Variants in APOH observed in about 807,000 individuals in gnomAD.
APOH encodes the protein beta-2-glycoprotein 1.
In APOH, 48 loss-of-function variants were observed where a neutral mutation model predicts 39.8. The ratio of observed to expected loss-of-function variants is 1.21; its 90% CI spans 0.96 to 1.54. The LOEUF is 1.54. Ranked by LOEUF, APOH falls within the 40% of genes most tolerant of loss-of-function variation. APOH has a pLI of 0.00. For missense variants in APOH, 415 were observed against 421.2 expected, an observed-to-expected ratio of 0.99 and a Z score of 0.13; for synonymous variants, 153 against 151.1, an observed-to-expected ratio of 1.01 and a Z score of -0.09.
intron 3 of APOH, among the ~76,000 whole-genome samples, chr17:66,224,266 A>G (rs2073420846): frequency 6.6e-6 from 1 of 151,684 alleles, no homozygotes; most frequent in Non-Finnish European, 1.5e-5. Flanking sequence ...ACTTGAGCCC[A>G]AGAGTTTGAG....
chr17:66,216,357 G>A (rs1185059040), intron 6 of APOH, among the ~76,000 whole-genome samples: 1 of 151,834 alleles, frequency 6.6e-6, no homozygotes, highest in Non-Finnish European at 1.5e-5. Flanking sequence ...GTGGTGGGGT[G>A]CCTGTAATCC....
intron 6 of APOH, among the ~76,000 whole-genome samples, chr17:66,215,073 C>T (rs964314199): frequency 1.2e-4 from 18 of 152,136 alleles, no homozygotes; most frequent in African/African-American, 4.1e-4. Context: ...TGAAAAATTG[C>T]CTTCAGCCAT....
At chr17:66,224,252 G>A (rs1288011003) in intron 3 of APOH, among the ~76,000 whole-genome samples, 1 of 151,994 alleles carries the variant, frequency 6.6e-6, no homozygotes. Context: ...GAGATGGGCG[G>A]ATCACTTGAG....
At chr17:66,216,743 G>C in intron 6 of APOH, 45 bp downstream of exon 6, 1 of 1,495,682 alleles carries the variant, frequency 6.7e-7, no homozygotes, top group Non-Finnish European at 9.0e-7. Flanking sequence ...GTGATCCACT[G>C]TATCAATTCA....
At chr17:66,221,935 T>C (rs1376738233) in intron 4 of APOH, among the ~76,000 whole-genome samples, 1 of 152,210 alleles carries the variant, frequency 6.6e-6, no homozygotes, top group Non-Finnish European at 1.5e-5. Context: ...AATAGCTTGT[T>C]GGAAATGCAG....
Position 66,214,601 on chromosome 17 carries a change from C to T in APOH, c.834G>A (p.Glu278=). Residue 278 remains glutamate, a synonymous_variant, in exon 7 of 8, where the codon GAG becomes GAA. Transcript: ENST00000205948. The stretch of plus-strand genomic sequence containing the variant: ...TAAATTTTTCCTGAATCTTTACTCT[C>T]TCTCCTTGGTACACCACAGTGGCTT... ...VKKATVVYQG[E]RVKIQEKFKN... 1 of 1,614,014 alleles carries T rather than the reference C, an allele frequency of 6.2e-7. No individual in the cohort carries two copies. Among genetic ancestry groups the T allele is most frequent in the Non-Finnish European group, 8.5e-7 (1 of 1,179,946 alleles).
Position 66,228,125 on chromosome 17 carries a change from CTT to C in APOH, c.134_135del (p.Glu45GlyfsTer56). On this transcript the variant is annotated frameshift_variant, in exon 2 of 8. Transcript: ENST00000205948. LOFTEE classifies it high-confidence loss of function. ...CCCGGCTTGCAGGAATACGTAATCT[CTT>C]CTCCTGGCTCATAGAATGTTTTTAA... The part of the protein sequence containing the change: ...VPLKTFYEPG[E>X]EITYSCKPGY... The C allele has an allele frequency of 1.2e-6, 2 of 1,614,212 alleles. No individual in the cohort carries two copies. Among genetic ancestry groups the C allele is most frequent in the South Asian group, 2.2e-5 (2 of 91,090 alleles).
chr17:66,214,435 G>T lies in APOH; in HGVS notation c.982+18C>A. 1.9e-6 allele frequency: 3 copies of T among 1,609,466 alleles called. No individual in the cohort carries two copies. The highest frequency in any genetic ancestry group is 2.6e-6 in the Non-Finnish European group (3 of 1,176,376). ...GGGCAAGTGGGAGTCCTAGCTAAACGTTCCAATGCAGACTTACCCTTGAAG... is the reference window on the plus strand; with the variant it reads ...GGGCAAGTGGGAGTCCTAGCTAAACTTTCCAATGCAGACTTACCCTTGAAG... On this transcript the variant is annotated intron_variant, in intron 7 of 7. Transcript: ENST00000205948.
intron 3 of APOH, among the ~76,000 whole-genome samples, chr17:66,224,972 C>T (rs775097474): frequency 6.6e-6 from 1 of 151,014 alleles, no homozygotes; most frequent in African/African-American, 2.4e-5. Context: ...GAAGCTGAGG[C>T]AGGAGAATTG....
Position 66,228,174 on chromosome 17 carries a change from T to C in APOH, c.87A>G (p.Leu29=). The C allele has an allele frequency of 3.1e-6, 5 of 1,614,090 alleles. No individual in the cohort carries two copies. The highest frequency in any genetic ancestry group is 4.2e-6 in the Non-Finnish European group (5 of 1,180,000). ...AGRTCPKPDD[L]PFSTVVPLKT... The stretch of plus-strand genomic sequence containing the variant: ...TTAACGGGACCACTGTGGAAAATGG[T>C]AAATCATCTGGCTTGGGACAGGCTG... Residue 29 remains leucine, a synonymous_variant, in exon 2 of 8, where the codon TTA becomes TTG. Coordinates refer to ENST00000205948, the MANE Select transcript of APOH (RefSeq NM_000042.3).
intron 2 of APOH, among the ~76,000 whole-genome samples, chr17:66,226,911 C>T (rs1598554747): frequency 6.8e-6 from 1 of 147,386 alleles, no homozygotes; most frequent in Non-Finnish European, 1.5e-5. Context: ...TTTTTTGAGA[C>T]AGAGTCTCAC....
chr17:66,214,264 G>A (rs1169247460), intron 7 of APOH, among the ~76,000 whole-genome samples, 189 bp downstream of exon 7: 1 of 152,024 alleles, frequency 6.6e-6, no homozygotes, highest in Non-Finnish European at 1.5e-5. Context: ...TCACCTTTTT[G>A]GCCAGGCTGC....
chr17:66,222,567 C>CTTTTT lies in APOH; in HGVS notation c.415+1126_415+1130dup, dbSNP rs1178795590. On this transcript the variant is annotated intron_variant, in intron 4 of 7. Transcript: ENST00000205948. ...TTGAAATTGCTTTACTTTCCACTTG[C>CTTTTT]TTTTTTTTTTTTTTTTTTTTTGAGA... Among the ~76,000 whole-genome samples the CTTTTT allele has an allele frequency of 1.4e-3, 120 of 84,884 alleles. 3 individuals carry two copies. The highest frequency in any genetic ancestry group is 7.7e-3 in the Middle Eastern group (1 of 130). The allele number at this position is 84,884 out of a possible 152,430, so 55.7% of individuals were successfully genotyped here.
In APOH at chr17:66,219,600, A is replaced by G. The variant is rs181350752; in HGVS notation, c.604+954T>C. On this transcript the variant is annotated intron_variant, in intron 5 of 7. Transcript: ENST00000205948. ...CGTTCACTGGATATCTGTAATATCTACCACTGGAGAAGTTAATAGTCACGA... is the reference window on the plus strand; with the variant it reads ...CGTTCACTGGATATCTGTAATATCTGCCACTGGAGAAGTTAATAGTCACGA... Among the ~76,000 whole-genome samples the G allele has an allele frequency of 5.6e-4, 86 of 152,296 alleles. 1 individual carries two copies. The highest frequency in any genetic ancestry group is 5.0e-3 in the South Asian group (24 of 4,828).
chr17:66,225,968 G>A, intron 3 of APOH, 60 bp downstream of exon 3: 1 of 1,202,366 alleles, frequency 8.3e-7, no homozygotes, highest in Non-Finnish European at 1.2e-6. Flanking sequence ...TTGATGTTTA[G>A]CTTAAGGATA....
intron 7 of APOH, 68 bp downstream of exon 7, chr17:66,214,385 G>A: frequency 6.9e-7 from 1 of 1,448,440 alleles, no homozygotes; most frequent in African/African-American, 1.4e-5. Context: ...AATCATTATA[G>A]AACAAAGGCT....
At chr17:66,222,247 G>T (rs193255190) in intron 4 of APOH, among the ~76,000 whole-genome samples, 1 of 151,922 alleles carries the variant, frequency 6.6e-6, no homozygotes, top group Non-Finnish European at 1.5e-5. Flanking sequence ...AAACTAGCCA[G>T]ATCTGGTGGC....
In APOH at chr17:66,214,462, A is replaced by G. The variant is rs1801689; in HGVS notation, c.973T>C (p.Cys325Arg). The change falls in exon 7 of 8, where the codon TGC becomes CGC. Residue 325 changes from cysteine to arginine, a missense_variant. Cys to Arg is a radical substitution (Grantham distance 180). Transcript: ENST00000205948. ...TCCAATGCAGACTTACCCTTGAAGC[A>G]TTTGGGGACTTCGATAGTGCCATCT... ...CIDGTIEVPKCFKEHSSLAFW... is the reference protein window; with the variant it reads ...CIDGTIEVPKRFKEHSSLAFW... 8.7e-6 allele frequency: 14 copies of G among 1,613,620 alleles called. No individual in the cohort carries two copies. In the Admixed American group the frequency reaches 2.3e-4, roughly 27 times the overall value.
intron 5 of APOH, 152 bp downstream of exon 5, chr17:66,220,402 G>T: frequency 1.4e-6 from 1 of 697,358 alleles, no homozygotes; most frequent in Non-Finnish European, 2.4e-6. Context: ...AATCCACAGT[G>T]CCCAGCACAC....
Sources: allele counts gnomAD v4.1 joint callset (sites outside exome capture counted in the v4.1 genomes callset), GRCh38; gene constraint gnomAD v4.1.1; transcripts MANE v1.5; gene names NCBI Gene and HGNC (gene_info 2026-07-23, HGNC 2026-07-21).